ATG5: variants seen among roughly 807,000 people sequenced by gnomAD.
ATG5 encodes autophagy protein 5.
Under a neutral mutation model 36.5 loss-of-function variants are expected in ATG5, and 14 were observed. The observed-to-expected ratio is 0.38, with a 90% CI of 0.25 to 0.60. The LOEUF is 0.60. ATG5 is among the 20% of genes least tolerant of loss of function. The pLI, the probability that ATG5 is intolerant of heterozygous loss-of-function variation, is 0.60. For missense variants in ATG5, 195 were observed against 326.7 expected, an observed-to-expected ratio of 0.60 and a Z score of 3.11; for synonymous variants, 95 against 101.5, an observed-to-expected ratio of 0.94 and a Z score of 0.38.
chr6:106,207,536 T>TAA (rs904645501), intron 6 of ATG5, among the ~76,000 whole-genome samples: 2 of 145,908 alleles, frequency 1.4e-5, no homozygotes, highest in African/African-American at 5.1e-5. Context: ...CCTCATCTCT[T>TAA]AAAAAAAAAA....
At chr6:106,295,533 C>G (rs1234302744) in intron 3 of ATG5, among the ~76,000 whole-genome samples, 2 of 151,712 alleles carry the variant, frequency 1.3e-5, no homozygotes, top group Non-Finnish European at 2.9e-5. Flanking sequence ...ACAAATATAT[C>G]TTAAAGCAAT....
At chr6:106,218,595 G>A (rs1027610293) in intron 6 of ATG5, among the ~76,000 whole-genome samples, 2 of 152,060 alleles carry the variant, frequency 1.3e-5, no homozygotes, top group Admixed American at 1.3e-4. Context: ...CAGAGTTCAA[G>A]TTACACTTTG....
At chr6:106,234,393 A>C (rs1005041447) in intron 6 of ATG5, among the ~76,000 whole-genome samples, 1 of 152,066 alleles carries the variant, frequency 6.6e-6, no homozygotes, top group Non-Finnish European at 1.5e-5. Context: ...TGGAACAACT[A>C]CAGCACAGAA....
At chr6:106,250,759 T>C (rs1778542947) in intron 5 of ATG5, among the ~76,000 whole-genome samples, 2 of 152,194 alleles carry the variant, frequency 1.3e-5, no homozygotes, top group African/African-American at 4.8e-5. Context: ...AAAGAATGGA[T>C]AGAACACTAT....
At chr6:106,209,617 A>C (rs1776781099) in intron 6 of ATG5, among the ~76,000 whole-genome samples, 1 of 152,164 alleles carries the variant, frequency 6.6e-6, no homozygotes, top group Non-Finnish European at 1.5e-5. Context: ...ATATAGGGTG[A>C]ATTTACATAT....
chr6:106,319,457 AC>A (rs1453997672), intron 1 of ATG5, among the ~76,000 whole-genome samples: 2 of 152,154 alleles, frequency 1.3e-5, no homozygotes, highest in Non-Finnish European at 1.5e-5. Context: ...ACTTTTAAAA[AC>A]CTCAATCATT....
chr6:106,317,427 A>G (rs773733738), intron 1 of ATG5, among the ~76,000 whole-genome samples: 8 of 152,152 alleles, frequency 5.3e-5, no homozygotes, highest in Non-Finnish European at 8.8e-5. Context: ...TCCACTGACC[A>G]ATGACATTAA....
chr6:106,216,526 T>A (rs1215202095), intron 6 of ATG5, among the ~76,000 whole-genome samples: 1 of 152,058 alleles, frequency 6.6e-6, no homozygotes, highest in African/African-American at 2.4e-5. Context: ...GCTAATTACA[T>A]AAAATGTCCA....
chr6:106,223,920 GTTAAA>G (rs1225373114), intron 6 of ATG5, among the ~76,000 whole-genome samples: 1 of 152,192 alleles, frequency 6.6e-6, no homozygotes, highest in Non-Finnish European at 1.5e-5. Flanking sequence ...AAATGAGGAG[GTTAAA>G]TTAGTTAATT....
chr6:106,240,435 C>T (rs1378695900), intron 6 of ATG5, among the ~76,000 whole-genome samples: 2 of 150,478 alleles, frequency 1.3e-5, no homozygotes, highest in Non-Finnish European at 3.0e-5. Flanking sequence ...AAATACAGTG[C>T]AATTTACAGA....
intron 6 of ATG5, among the ~76,000 whole-genome samples, chr6:106,236,547 G>GA (rs1192484798): frequency 6.6e-6 from 1 of 152,172 alleles, no homozygotes; most frequent in Non-Finnish European, 1.5e-5. Flanking sequence ...TAGGGAACGT[G>GA]AAGTAGTATC....
At chr6:106,277,813 CAACAA>C (rs563740379) in intron 5 of ATG5, among the ~76,000 whole-genome samples, 6 of 151,964 alleles carry the variant, frequency 3.9e-5, no homozygotes, top group Non-Finnish European at 7.4e-5. Context: ...AACTTCGTCT[CAACAA>C]AACAAAACAA....
chr6:106,219,550 T>C (rs1777163550), intron 6 of ATG5, among the ~76,000 whole-genome samples: 2 of 152,316 alleles, frequency 1.3e-5, no homozygotes, highest in South Asian at 2.1e-4. Context: ...AGTGTGTACA[T>C]GTGTATGAAA....
intron 4 of ATG5, among the ~76,000 whole-genome samples, chr6:106,281,228 A>G (rs1779865671): frequency 6.6e-6 from 1 of 152,196 alleles, no homozygotes; most frequent in Non-Finnish European, 1.5e-5. Flanking sequence ...ATTCACATAC[A>G]GTGAAATGCA....
chr6:106,228,358 T>C (rs754351203), intron 6 of ATG5, among the ~76,000 whole-genome samples: 2 of 152,184 alleles, frequency 1.3e-5, no homozygotes, highest in Non-Finnish European at 2.9e-5. Flanking sequence ...GAGACGCCCA[T>C]TGCCGATCCC....
intron 5 of ATG5, among the ~76,000 whole-genome samples, chr6:106,267,130 T>G (rs679160): frequency 0.42 from 64,022 of 152,012 alleles, 13,787 homozygotes; most frequent in Admixed American, 0.52. Flanking sequence ...AAGCTGTTAA[T>G]AAACTTCAGC....
chr6:106,234,651 C>T (rs1036537833), intron 6 of ATG5, among the ~76,000 whole-genome samples: 1 of 152,120 alleles, frequency 6.6e-6, no homozygotes, highest in Non-Finnish European at 1.5e-5. Context: ...TTCTTAGTGC[C>T]CCCATGACCA....
chr6:106,256,589 T>A (rs138278789), intron 5 of ATG5, among the ~76,000 whole-genome samples: 3 of 152,058 alleles, frequency 2.0e-5, no homozygotes, highest in African/African-American at 7.3e-5. Context: ...AGAATGTACT[T>A]AGAAAACCTA....
At chr6:106,212,666 C>T (rs1776902549) in intron 6 of ATG5, among the ~76,000 whole-genome samples, 2 of 152,048 alleles carry the variant, frequency 1.3e-5, no homozygotes, top group Non-Finnish European at 2.9e-5. Flanking sequence ...AAACAAAACT[C>T]AAAAAACCCT....
Sources: allele counts gnomAD v4.1 joint callset (sites outside exome capture counted in the v4.1 genomes callset), GRCh38; gene constraint gnomAD v4.1.1; transcripts MANE v1.5; gene names NCBI Gene and HGNC (gene_info 2026-07-23, HGNC 2026-07-21).